NBAS: variants seen among roughly 807,000 people sequenced by gnomAD.
NBAS encodes NBAS subunit of NRZ tethering complex.
NBAS carries 219 observed loss-of-function variants against 302.5 expected under a neutral mutation model. The observed-to-expected ratio is 0.72, with a 90% CI of 0.65 to 0.81. NBAS has a LOEUF of 0.81. Ranked by LOEUF, NBAS falls within the 30% of genes least tolerant of loss-of-function variation. The pLI is 0.00. For missense variants in NBAS, 2,932 were observed against 2,841.6 expected (o/e 1.03, Z -0.72); for synonymous variants, 1,118 against 1,021.6 (o/e 1.09, Z -1.80).
the NBAS span, among the ~76,000 whole-genome samples, chr2:14,945,864 T>C: frequency 6.6e-6 from 1 of 152,192 alleles, no homozygotes; most frequent in East Asian, 1.9e-4. Context: ...GCAGATCACT[T>C]GAGGCCAGGA....
the NBAS span, among the ~76,000 whole-genome samples, chr2:15,158,452 G>A: frequency 5.3e-5 from 8 of 152,312 alleles, no homozygotes; most frequent in Admixed American, 3.9e-4. Context: ...GGCTGCCATG[G>A]AATCTGCTCT....
chr2:14,785,727 T>G, the NBAS span, among the ~76,000 whole-genome samples: 1 of 152,194 alleles, frequency 6.6e-6, no homozygotes, highest in Non-Finnish European at 1.5e-5. Context: ...TTTGCCAGTA[T>G]TTTATTGAGG....
At chr2:14,857,970 C>T in the NBAS span, among the ~76,000 whole-genome samples, 1 of 152,066 alleles carries the variant, frequency 6.6e-6, no homozygotes, top group Non-Finnish European at 1.5e-5. Flanking sequence ...TCAAACAACT[C>T]TATAGGAAAA....
At chr2:15,039,990 T>C in the NBAS span, among the ~76,000 whole-genome samples, 1 of 152,162 alleles carries the variant, frequency 6.6e-6, no homozygotes, top group African/African-American at 2.4e-5. Context: ...AAGACGGTGA[T>C]CCATCTTCCC....
At chr2:14,877,048 T>G in the NBAS span, among the ~76,000 whole-genome samples, 3 of 152,256 alleles carry the variant, frequency 2.0e-5, no homozygotes, top group Non-Finnish European at 4.4e-5. Context: ...CACCACGTTC[T>G]TAACTCTGAG....
chr2:14,930,229 G>C, the NBAS span, among the ~76,000 whole-genome samples: 15 of 152,248 alleles, frequency 9.9e-5, no homozygotes, highest in African/African-American at 3.4e-4. Context: ...TCTAATACTG[G>C]AAAGTACAGA....
At chr2:15,560,089 A>G (rs1664841191) in intron 1 of NBAS, among the ~76,000 whole-genome samples, 1 of 152,196 alleles carries the variant, frequency 6.6e-6, no homozygotes, top group Non-Finnish European at 1.5e-5. Context: ...TCCAGCAAAG[A>G]AACACTCAGA....
intron 38 of NBAS, among the ~76,000 whole-genome samples, chr2:15,321,626 C>A (rs542578830): frequency 1.8e-4 from 28 of 152,232 alleles, no homozygotes; most frequent in African/African-American, 5.1e-4. Context: ...ATGCAGCCAA[C>A]AGACACATGA....
chr2:15,472,871 A>ATTGTAAATT (rs1487294926), intron 16 of NBAS, among the ~76,000 whole-genome samples: 1 of 152,142 alleles, frequency 6.6e-6, no homozygotes, highest in Non-Finnish European at 1.5e-5. Context: ...AATTCTCCAT[A>ATTGTAAATT]TTGTAAATTT....
intron 48 of NBAS, among the ~76,000 whole-genome samples, chr2:15,208,385 G>C (rs1558438374): frequency 6.6e-6 from 1 of 152,104 alleles, no homozygotes; most frequent in Non-Finnish European, 1.5e-5. Flanking sequence ...GTAATTATGG[G>C]AACTATAATT....
At chr2:15,478,079 G>C in intron 13 of NBAS, 147 bp downstream of exon 13, 1 of 668,026 alleles carries the variant, frequency 1.5e-6, no homozygotes, top group Non-Finnish European at 2.6e-6. Context: ...AACTGGATCT[G>C]TTGCCTTGAC....
At chr2:14,977,645 T>C in the NBAS span, among the ~76,000 whole-genome samples, 1 of 152,202 alleles carries the variant, frequency 6.6e-6, no homozygotes, top group Non-Finnish European at 1.5e-5. Flanking sequence ...ATCTTAGAAA[T>C]CTCACATTCC....
At chr2:15,041,302 C>G in the NBAS span, among the ~76,000 whole-genome samples, 1 of 152,238 alleles carries the variant, frequency 6.6e-6, no homozygotes, top group Admixed American at 6.5e-5. Flanking sequence ...CATCTGAGGT[C>G]TCTCTCCCAA....
At chr2:14,937,219 T>C in the NBAS span, among the ~76,000 whole-genome samples, 1 of 152,302 alleles carries the variant, frequency 6.6e-6, no homozygotes, top group East Asian at 1.9e-4. Flanking sequence ...ATTTGCTATA[T>C]GACAGGTGGC....
intron 35 of NBAS, among the ~76,000 whole-genome samples, chr2:15,339,277 G>A (rs565890888): frequency 1.8e-4 from 27 of 152,088 alleles, no homozygotes; most frequent in African/African-American, 5.5e-4. Context: ...AAGACCCAGC[G>A]CTAGGCAACA....
chr2:15,150,592 C>T, the NBAS span, among the ~76,000 whole-genome samples: 146 of 152,266 alleles, frequency 9.6e-4, 3 homozygotes, highest in East Asian at 0.025. Flanking sequence ...CTTAAAGCTT[C>T]CAGTATTATT....
the NBAS span, among the ~76,000 whole-genome samples, chr2:14,991,045 T>A: frequency 1.5e-4 from 23 of 152,180 alleles, no homozygotes; most frequent in South Asian, 4.4e-3. Flanking sequence ...AAGGAGGTGG[T>A]GTCTTCATCC....
the NBAS span, among the ~76,000 whole-genome samples, chr2:15,093,192 G>C: frequency 6.6e-6 from 1 of 152,156 alleles, no homozygotes; most frequent in Admixed American, 6.5e-5. Flanking sequence ...GAGGCGGGCA[G>C]ATCACTTGAG....
At chr2:14,868,781 C>T in the NBAS span, among the ~76,000 whole-genome samples, 1 of 152,194 alleles carries the variant, frequency 6.6e-6, no homozygotes, top group African/African-American at 2.4e-5. Flanking sequence ...GGAAAAGTAT[C>T]CCTTCCCACT....
Sources: allele counts gnomAD v4.1 joint callset (sites outside exome capture counted in the v4.1 genomes callset), GRCh38; gene constraint gnomAD v4.1.1; transcripts MANE v1.5; gene names NCBI Gene and HGNC (gene_info 2026-07-23, HGNC 2026-07-21).